ADAM12: variants seen among roughly 807,000 people sequenced by gnomAD.
ADAM12 encodes the protein ADAM metallopeptidase domain 12.
ADAM12 carries 70 observed loss-of-function variants against 106.4 expected under a neutral mutation model. The observed-to-expected ratio is 0.66, with a 90% CI of 0.54 to 0.80. The LOEUF (loss-of-function observed/expected upper bound fraction) is 0.80. ADAM12 is among the 30% of genes least tolerant of loss of function. ADAM12 has a pLI of 0.00. For missense variants in ADAM12, 1,010 were observed against 1,171.9 expected (o/e 0.86, Z 2.02); for synonymous variants, 420 against 433.5 (o/e 0.97, Z 0.39).
intron 10 of ADAM12, among the ~76,000 whole-genome samples, chr10:126,094,984 A>G (rs1955529615): frequency 6.6e-6 from 1 of 152,184 alleles, no homozygotes; most frequent in Non-Finnish European, 1.5e-5. Context: ...ACTTTTACAA[A>G]CTGAAATTAG....
At chr10:126,282,878 G>C (rs1426070420) in intron 2 of ADAM12, among the ~76,000 whole-genome samples, 1 of 152,054 alleles carries the variant, frequency 6.6e-6, no homozygotes, top group African/African-American at 2.4e-5. Context: ...CTGGGGGTGG[G>C]GGATGGTTTC....
intron 5 of ADAM12, among the ~76,000 whole-genome samples, chr10:126,127,223 GAC>G (rs1956220919): frequency 6.6e-6 from 1 of 152,214 alleles, no homozygotes; most frequent in South Asian, 2.1e-4. Context: ...CCTGGCTAGA[GAC>G]ACCTGGCCAG....
intron 14 of ADAM12, among the ~76,000 whole-genome samples, chr10:126,050,761 T>G (rs1338783636): frequency 6.6e-6 from 1 of 152,220 alleles, no homozygotes; most frequent in Non-Finnish European, 1.5e-5. Flanking sequence ...CATGATCATC[T>G]CATTCAACAC....
At chr10:126,047,340 TC>T (rs1198728941) in intron 16 of ADAM12, among the ~76,000 whole-genome samples, 7 of 152,108 alleles carry the variant, frequency 4.6e-5, no homozygotes, top group Admixed American at 3.9e-4. Flanking sequence ...ACTGAGGGAT[TC>T]CCACTCGGTG....
chr10:126,280,986 G>A (rs1179276622), intron 2 of ADAM12, among the ~76,000 whole-genome samples: 5 of 152,134 alleles, frequency 3.3e-5, no homozygotes, highest in African/African-American at 9.7e-5. Flanking sequence ...TTGTAGTGTA[G>A]TGTGTCAAAG....
chr10:126,025,662 C>T (rs966759261), intron 21 of ADAM12, among the ~76,000 whole-genome samples: 3 of 152,000 alleles, frequency 2.0e-5, no homozygotes. Context: ...AAATGACCCA[C>T]AAAAATCTCA....
intron 14 of ADAM12, among the ~76,000 whole-genome samples, chr10:126,055,019 T>C (rs893409860): frequency 6.6e-6 from 1 of 152,166 alleles, no homozygotes; most frequent in African/African-American, 2.4e-5. Context: ...GGGCAACTAG[T>C]GGAGACTGTG....
intron 5 of ADAM12, among the ~76,000 whole-genome samples, chr10:126,129,499 T>C (rs1956266259): frequency 6.6e-6 from 1 of 152,166 alleles, no homozygotes; most frequent in Non-Finnish European, 1.5e-5. Flanking sequence ...CAGTTTGATG[T>C]CTGTGCCCTG....
chr10:126,216,820 G>A (rs139123437), intron 3 of ADAM12, among the ~76,000 whole-genome samples: 1 of 152,302 alleles, frequency 6.6e-6, no homozygotes, highest in Non-Finnish European at 1.5e-5. Context: ...TTGCCTTGGG[G>A]CCAAACAGAA....
At chr10:126,087,763 C>G in intron 11 of ADAM12, among the ~76,000 whole-genome samples, 1 of 152,188 alleles carries the variant, frequency 6.6e-6, no homozygotes, top group South Asian at 2.1e-4. Flanking sequence ...TGTGGACTTT[C>G]CCGCTACATT....
chr10:126,071,489 A>C lies in ADAM12; in HGVS notation c.1311T>G (p.Cys437Trp). 1 of 1,613,996 alleles carries C rather than the reference A, an allele frequency of 6.2e-7. No individual in the cohort carries two copies. The highest frequency in any genetic ancestry group is 1.6e-4 in the Middle Eastern group (1 of 6,062). The change falls in exon 12 of 23, where the codon TGT (cysteine) becomes TGG (tryptophan). Residue 437 changes from cysteine (C) to tryptophan (W), a missense_variant. Around this residue, in one of 3 missense-constraint regions of ADAM12, gnomAD observed 615 missense variants for 708.5 expected, o/e 0.87. Coordinates refer to ENST00000448723, the MANE Select transcript of ADAM12 (RefSeq NM_001288973.2). The stretch of plus-strand genomic sequence containing the variant: ...GAATGGTTCTTACCTCTGGCTCCCC[A>C]CAGTCACACTCCTCTCCTTCTTCCA... ...RFVEEGEECD[C>W]GEPEECMNRC...
At chr10:126,382,652 A>G (rs1443107488) in intron 1 of ADAM12, among the ~76,000 whole-genome samples, 3 of 152,232 alleles carry the variant, frequency 2.0e-5, no homozygotes, top group African/African-American at 7.2e-5. Flanking sequence ...AAGTACACAG[A>G]ACTTCTAATC....
chr10:126,260,590 C>T (rs1958982284), intron 3 of ADAM12, among the ~76,000 whole-genome samples: 2 of 152,190 alleles, frequency 1.3e-5, no homozygotes, highest in African/African-American at 4.8e-5. Context: ...TGAAACTTTC[C>T]TTAAGGCCAG....
In ADAM12 at chr10:126,171,078, G is replaced by C. The variant is rs138225386; in HGVS notation, c.261-15773C>G. ...TGCTTCCTCCATATGGACTCTCCAA[G>C]GGTAAATTGACATTTTCCCCAGTGC... On this transcript the variant is annotated intron_variant, in intron 3 of 22. Coordinates refer to ENST00000448723, the MANE Select transcript of ADAM12 (RefSeq NM_001288973.2). Among the ~76,000 whole-genome samples the C allele has an allele frequency of 3.7e-4, 57 of 152,278 alleles. No individual in the cohort carries two copies. The East Asian group carries it at 0.011, about 28-fold the overall frequency.
In ADAM12 at chr10:126,012,955, G is replaced by A. The variant is rs1469167865; in HGVS notation, c.*4324C>T. On this transcript the variant is annotated 3_prime_UTR_variant, in exon 23 of 23. Coordinates refer to ENST00000448723, the MANE Select transcript of ADAM12 (RefSeq NM_001288973.2). ...GGAGGACTAAAGAGTTACCTTATAG[G>A]AGAATCATGGGGAACAGAGAAACTG... 6.6e-6 allele frequency: 1 copy of A among 152,210 alleles called. No homozygotes were observed. Among genetic ancestry groups the A allele is most frequent in the Admixed American group, 6.5e-5 (1 of 15,280 alleles). 9.4% of individuals were successfully genotyped at this position (152,210 alleles called of 1,614,324 possible).
At position 126,046,948 on chromosome 10, in the gene ADAM12, T is replaced by C. The variant is rs2035013; in HGVS notation, c.1918-816A>G. Among the ~76,000 whole-genome samples the C allele has an allele frequency of 2.0e-4, 31 of 152,230 alleles. No individual in the cohort carries two copies. In the South Asian group the frequency reaches 6.2e-3, roughly 31 times the overall value. ...GGGAGAGGTTGAAATATGGGAACTT[T>C]TTCCAGATACTGACTGACAAGTAGT... On this transcript the variant is annotated intron_variant, in intron 16 of 22. Coordinates refer to ENST00000448723, the MANE Select transcript of ADAM12 (RefSeq NM_001288973.2).
chr10:126,305,904 C>T (rs1219081738), intron 2 of ADAM12, among the ~76,000 whole-genome samples: 2 of 152,004 alleles, frequency 1.3e-5, no homozygotes, highest in South Asian at 2.1e-4. Flanking sequence ...GATGTGTTTG[C>T]TTGCATGGCA....
At chr10:126,243,820 G>A in intron 3 of ADAM12, among the ~76,000 whole-genome samples, 1 of 152,168 alleles carries the variant, frequency 6.6e-6, no homozygotes, top group East Asian at 1.9e-4. Context: ...ATTTTTCAGA[G>A]GTAGGAGGGC....
At position 126,388,347 on chromosome 10, in the gene ADAM12, TGTGC is replaced by T. The variant is rs904792833; in HGVS notation, c.-206_-203del. The T allele has an allele frequency of 1.5e-4, 112 of 767,944 alleles. No homozygotes were observed. The highest frequency in any genetic ancestry group is 9.7e-4 in the Middle Eastern group (2 of 2,052). 47.6% of individuals were successfully genotyped at this position (767,944 alleles called of 1,614,324 possible). ...TTTTAAAAAAGTTTCCCCCCGTGTG[TGTGC>T]GTGCGTGCGCGCGCGCGCGCCGTTC... On this transcript the variant is annotated 5_prime_UTR_variant, in exon 1 of 23. Transcript: ENST00000448723. The surrounding 1 kb of genome is among the most constrained non-coding windows in gnomAD (Gnocchi z 4.4).
Sources: allele counts gnomAD v4.1 joint callset (sites outside exome capture counted in the v4.1 genomes callset), GRCh38; gene constraint gnomAD v4.1.1; regional missense constraint gnomAD v4.1.1; non-coding constraint Gnocchi (gnomAD v3.1); transcripts MANE v1.5; gene names NCBI Gene and HGNC (gene_info 2026-07-23, HGNC 2026-07-21).